OSBPL6: variants seen among roughly 807,000 people sequenced by gnomAD.
The protein encoded by OSBPL6 is oxysterol-binding protein-related protein 6.
OSBPL6 carries 49 observed loss-of-function variants against 125.8 expected under a neutral mutation model. That is an observed-to-expected ratio of 0.39 (90% confidence interval 0.31 to 0.49). The LOEUF (loss-of-function observed/expected upper bound fraction) is 0.49. OSBPL6 is among the 20% of genes least tolerant of loss of function. The pLI, the probability that OSBPL6 is intolerant of heterozygous loss-of-function variation, is 0.88. For missense variants in OSBPL6, 986 were observed against 1,135.4 expected, an observed-to-expected ratio of 0.87 and a Z score of 1.89; for synonymous variants, 394 against 391.8, an observed-to-expected ratio of 1.01 and a Z score of -0.07.
At chr2:178,204,025 CTTTTTTT>C (rs1166160655) in intron 1 of OSBPL6, among the ~76,000 whole-genome samples, 9 of 129,004 alleles carry the variant, frequency 7.0e-5, no homozygotes, top group South Asian at 2.5e-4. Flanking sequence ...TTTTCTTTTT[CTTTTTTT>C]TTTTTTTTTT....
chr2:178,268,595 G>A (rs2092303877), intron 1 of OSBPL6, among the ~76,000 whole-genome samples: 1 of 152,128 alleles, frequency 6.6e-6, no homozygotes, highest in Non-Finnish European at 1.5e-5. Flanking sequence ...CATTAGTGCA[G>A]CCTGTCTTTG....
intron 2 of OSBPL6, among the ~76,000 whole-genome samples, chr2:178,298,917 T>C (rs1014464531): frequency 6.6e-6 from 1 of 152,180 alleles, no homozygotes; most frequent in African/African-American, 2.4e-5. Context: ...TGAAATCATA[T>C]AGTGCCTTAG....
At chr2:178,314,386 C>G (rs1333101093) in intron 3 of OSBPL6, among the ~76,000 whole-genome samples, 1 of 152,178 alleles carries the variant, frequency 6.6e-6, no homozygotes, top group East Asian at 1.9e-4. Context: ...GACCCTGGAA[C>G]CCAGCTGTCA....
At chr2:178,229,043 C>T (rs1004461407) in intron 1 of OSBPL6, among the ~76,000 whole-genome samples, 4 of 152,166 alleles carry the variant, frequency 2.6e-5, no homozygotes, top group Non-Finnish European at 2.9e-5. Flanking sequence ...ATGAGGGCCT[C>T]GTGCTGCTTC....
At chr2:178,335,272 T>C (rs969446993) in intron 8 of OSBPL6, among the ~76,000 whole-genome samples, 4 of 152,062 alleles carry the variant, frequency 2.6e-5, no homozygotes, top group African/African-American at 9.7e-5. Flanking sequence ...TTGGGTGATA[T>C]CTGAGAATGG....
chr2:178,340,162 T>G (rs528106993), intron 11 of OSBPL6, among the ~76,000 whole-genome samples: 1 of 152,240 alleles, frequency 6.6e-6, no homozygotes, highest in East Asian at 1.9e-4. Context: ...CCAAATGTTT[T>G]CTATCAAGAA....
At chr2:178,299,670 G>T (rs1686100711) in intron 2 of OSBPL6, among the ~76,000 whole-genome samples, 1 of 152,100 alleles carries the variant, frequency 6.6e-6, no homozygotes, top group Admixed American at 6.5e-5. Context: ...TATGATTTTG[G>T]TAACGATTAC....
intron 1 of OSBPL6, among the ~76,000 whole-genome samples, chr2:178,198,554 A>G (rs2089043185): frequency 7.0e-6 from 1 of 143,218 alleles, no homozygotes. Context: ...CAGGAGGCAG[A>G]TGTTGCAGTG....
chr2:178,287,470 T>G (rs930977533), intron 2 of OSBPL6, among the ~76,000 whole-genome samples: 6 of 152,230 alleles, frequency 3.9e-5, no homozygotes, highest in Non-Finnish European at 7.3e-5. Context: ...CTAGGATCTC[T>G]CAATACTTGA....
chr2:178,328,213 G>C (rs1238289462), intron 4 of OSBPL6, 43 bp from the exon 5 acceptor site: 1 of 1,610,658 alleles, frequency 6.2e-7, no homozygotes, highest in Non-Finnish European at 8.5e-7. Context: ...TGTGTCATCA[G>C]GCACTGAGTA....
intron 12 of OSBPL6, among the ~76,000 whole-genome samples, chr2:178,359,832 A>G (rs1031767995): frequency 6.6e-6 from 1 of 152,256 alleles, no homozygotes; most frequent in African/African-American, 2.4e-5. Flanking sequence ...TCACACTTGT[A>G]ATACCAGCAC....
At chr2:178,297,086 G>A (rs1685825556) in intron 2 of OSBPL6, among the ~76,000 whole-genome samples, 1 of 152,114 alleles carries the variant, frequency 6.6e-6, no homozygotes, top group African/African-American at 2.4e-5. Context: ...AAGAATTAAT[G>A]CTACTGCATC....
chr2:178,363,265 G>A (rs187711723), intron 13 of OSBPL6, among the ~76,000 whole-genome samples: 53 of 152,242 alleles, frequency 3.5e-4, no homozygotes, highest in Middle Eastern at 3.4e-3. Flanking sequence ...TAAAGATCTC[G>A]GGTCGGGCTT....
At chr2:178,394,016 A>G (rs909976940) in intron 23 of OSBPL6, among the ~76,000 whole-genome samples, 1 of 152,232 alleles carries the variant, frequency 6.6e-6, no homozygotes, top group African/African-American at 2.4e-5. Flanking sequence ...CTCAAGTTAT[A>G]GAACCCTAGA....
intron 11 of OSBPL6, among the ~76,000 whole-genome samples, chr2:178,340,199 A>T (rs916534483): frequency 6.6e-6 from 1 of 152,082 alleles, no homozygotes; most frequent in Non-Finnish European, 1.5e-5. Context: ...AATAGATTAG[A>T]AATCAGCAAA....
At chr2:178,387,877 G>A (rs578039339) in intron 20 of OSBPL6, among the ~76,000 whole-genome samples, 5 of 152,146 alleles carry the variant, frequency 3.3e-5, no homozygotes, top group Non-Finnish European at 5.9e-5. Context: ...GGTGGCGGGC[G>A]CCTATAATCC....
chr2:178,244,812 G>A (rs13387048), intron 1 of OSBPL6, among the ~76,000 whole-genome samples: 33,031 of 152,018 alleles, frequency 0.22, 3,756 homozygotes, highest in Middle Eastern at 0.3. Context: ...ATGTATGAGC[G>A]AGCCCTACTG....
At chr2:178,239,592 TTTTATTTATTTA>T (rs80019586) in intron 1 of OSBPL6, among the ~76,000 whole-genome samples, 2,068 of 138,730 alleles carry the variant, frequency 0.015, 41 homozygotes, top group African/African-American at 0.046. Flanking sequence ...ATGAACTTTA[TTTTATTTATTTA>T]TTTATTTATT....
chr2:178,235,398 C>CTTT (rs540269327), intron 1 of OSBPL6, among the ~76,000 whole-genome samples: 16 of 78,024 alleles, frequency 2.1e-4, no homozygotes, highest in Non-Finnish European at 2.7e-4. Context: ...CTTTTCTTTT[C>CTTT]TTTTTTTTTT....
Sources: allele counts gnomAD v4.1 joint callset (sites outside exome capture counted in the v4.1 genomes callset), GRCh38; gene constraint gnomAD v4.1.1; transcripts MANE v1.5; gene names NCBI Gene and HGNC (gene_info 2026-07-23, HGNC 2026-07-21).